MYLK: variants seen among roughly 807,000 people sequenced by gnomAD.
MYLK encodes the protein myosin light chain kinase, smooth muscle.
In MYLK, 106 loss-of-function variants were observed where a neutral mutation model predicts 203.4. That is an observed-to-expected ratio of 0.52 (90% confidence interval 0.45 to 0.61). The LOEUF (loss-of-function observed/expected upper bound fraction) is 0.61. MYLK is among the 20% of genes least tolerant of loss of function. The probability of loss-of-function intolerance (pLI) is 0.00; values close to 1 mark genes in which losing one functional copy is unlikely to be tolerated. For synonymous variants in MYLK, 867 were observed against 959.5 expected, an observed-to-expected ratio of 0.90 and a Z score of 1.78; for missense variants, 2,072 against 2,442.3, an observed-to-expected ratio of 0.85 and a Z score of 3.20.
At position 123,756,911 on chromosome 3, in the gene MYLK, C is replaced by A. The variant is rs867266631; in HGVS notation, c.166-4373G>T. 3.3e-5 allele frequency among the ~76,000 whole-genome samples: 5 copies of A among 152,264 alleles called. No homozygotes were observed. In the Middle Eastern group the frequency reaches 0.01, roughly 311 times the overall value. On this transcript the variant is annotated intron_variant, in intron 4 of 33. Coordinates refer to ENST00000360304, the MANE Select transcript of MYLK (RefSeq NM_053025.4). ...AAAAATAAAGATATAGTCACCATAACCCCTATAATAATTTTAAATAGTAAA... is the reference window on the plus strand; with the variant it reads ...AAAAATAAAGATATAGTCACCATAAACCCTATAATAATTTTAAATAGTAAA...
At chr3:123,771,622 T>A (rs961093524) in intron 4 of MYLK, among the ~76,000 whole-genome samples, 2 of 152,254 alleles carry the variant, frequency 1.3e-5, no homozygotes, top group African/African-American at 4.8e-5. Flanking sequence ...TTAAAGGCTA[T>A]GCATATACAG....
intron 3 of MYLK, among the ~76,000 whole-genome samples, chr3:123,795,723 C>A (rs2064961608): frequency 6.6e-6 from 1 of 152,202 alleles, no homozygotes; most frequent in African/African-American, 2.4e-5. Flanking sequence ...TCATTTCTTA[C>A]CACAAAATCC....
chr3:123,767,022 A>T (rs2063726711), intron 4 of MYLK, among the ~76,000 whole-genome samples: 1 of 152,224 alleles, frequency 6.6e-6, no homozygotes, highest in African/African-American at 2.4e-5. Flanking sequence ...TGCCACTGAA[A>T]TCTCTTTTCT....
chr3:123,677,908 TATATATATATACACAC>T (rs1189897795), intron 20 of MYLK, among the ~76,000 whole-genome samples: 5 of 97,364 alleles, frequency 5.1e-5, no homozygotes, highest in African/African-American at 2.1e-4. Flanking sequence ...TATATATATA[TATATATATATACACAC>T]ACACACACAC....
intron 32 of MYLK, 132 bp downstream of exon 32, chr3:123,620,075 A>G: frequency 1.2e-6 from 1 of 827,464 alleles, no homozygotes; most frequent in Non-Finnish European, 2.0e-6. Flanking sequence ...ACCCAAAATT[A>G]CTTCTGAATT....
chr3:123,623,727 C>G (rs2057994864), intron 31 of MYLK: 2 of 152,208 alleles, frequency 1.3e-5, no homozygotes, highest in African/African-American at 4.8e-5. Flanking sequence ...AGAGGGAACC[C>G]TCATATTCCA....
intron 3 of MYLK, among the ~76,000 whole-genome samples, chr3:123,804,274 C>T (rs1430737815): frequency 1.3e-5 from 2 of 152,094 alleles, no homozygotes; most frequent in African/African-American, 2.4e-5. Flanking sequence ...AGGGAGAGGG[C>T]TAGCAAGTGG....
chr3:123,858,167 G>A (rs1418703589), intron 2 of MYLK, among the ~76,000 whole-genome samples: 1 of 152,180 alleles, frequency 6.6e-6, no homozygotes, highest in Non-Finnish European at 1.5e-5. Context: ...TTGCAATAGT[G>A]CCCAGATCCT....
intron 1 of MYLK, among the ~76,000 whole-genome samples, chr3:123,882,796 C>G (rs1034739671): frequency 6.6e-6 from 1 of 152,214 alleles, no homozygotes; most frequent in Admixed American, 6.5e-5. Context: ...TAACCTCACT[C>G]TGGGCAGGAA....
intron 6 of MYLK, among the ~76,000 whole-genome samples, chr3:123,739,463 TG>T (rs1224267630): frequency 2.0e-5 from 3 of 152,132 alleles, no homozygotes; most frequent in Non-Finnish European, 4.4e-5. Context: ...GAAGGCCCAG[TG>T]GGGGCTCAAG....
chr3:123,640,143 G>T lies in MYLK; in HGVS notation c.4837+144C>A. 1.3e-6 allele frequency: 1 copy of T among 752,720 alleles called. No individual in the cohort carries two copies. Among genetic ancestry groups the T allele is most frequent in the Admixed American group, 2.0e-5 (1 of 49,182 alleles). 46.6% of individuals were successfully genotyped at this position (752,720 alleles called of 1,614,324 possible). ...AGGCTTACTGTCACGTCTAGTATGT[G>T]GTAGGGGCAGGATTCAAACCTGGGA... On this transcript the variant is annotated intron_variant, in intron 28 of 33. Transcript: ENST00000360304. This position sits in a 1 kb window ranked among gnomAD's most constrained non-coding sequence, Gnocchi z 4.3.
At chr3:123,712,009 C>T (rs1406779700) in intron 13 of MYLK, among the ~76,000 whole-genome samples, 2 of 152,212 alleles carry the variant, frequency 1.3e-5, no homozygotes, top group Non-Finnish European at 1.5e-5. Context: ...GTCCAGGAGG[C>T]TGGAGGAAAA....
chr3:123,724,336 G>A (rs1218757482), intron 12 of MYLK, among the ~76,000 whole-genome samples: 2 of 152,024 alleles, frequency 1.3e-5, no homozygotes, highest in East Asian at 3.9e-4. Flanking sequence ...TAAAGAGGCT[G>A]TATGGCCTGA....
rs778981889 is a variant in MYLK at position 123,647,329 on chromosome 3, T to C, written c.4514A>G (p.Asn1505Ser). Residue 1505 changes from asparagine to serine, a missense_variant, in exon 27 of 34, where the codon AAT (asparagine) becomes AGT (serine). Asn to Ser is a conservative substitution (Grantham distance 46). Around this residue, in one of 3 missense-constraint regions of MYLK, gnomAD observed 524 missense variants for 782.4 expected, o/e 0.67. Transcript: ENST00000360304. Reference sequence around the variant, plus strand: ...CATGATGCTAATCTCCTGCCGGATATTCTCTTTCTCTTTTGCTGAATATGC... The same window carrying C: ...CATGATGCTAATCTCCTGCCGGATACTCTCTTTCTCTTTTGCTGAATATGC... ...FKAYSAKEKENIRQEISIMNC... is the reference protein window; with the variant it reads ...FKAYSAKEKESIRQEISIMNC... 5.0e-6 allele frequency: 8 copies of C among 1,614,254 alleles called. No homozygotes were observed. In the Admixed American group the frequency reaches 8.3e-5, roughly 17 times the overall value.
At chr3:123,637,939 C>T in intron 29 of MYLK, 132 bp downstream of exon 29, 5 of 1,389,616 alleles carry the variant, frequency 3.6e-6, no homozygotes, top group Non-Finnish European at 5.0e-6. Flanking sequence ...GCCTGCCACC[C>T]TCCTGACTCT....
At chr3:123,680,302 G>A (rs1478058191) in intron 20 of MYLK, among the ~76,000 whole-genome samples, 1 of 152,154 alleles carries the variant, frequency 6.6e-6, no homozygotes, top group Non-Finnish European at 1.5e-5. Flanking sequence ...TGGGTGTGCT[G>A]GAGCTGAGGG....
chr3:123,706,361 T>A (rs1165664557), intron 16 of MYLK, among the ~76,000 whole-genome samples: 3 of 152,180 alleles, frequency 2.0e-5, no homozygotes, highest in Non-Finnish European at 2.9e-5. Context: ...AGCCTTGGCA[T>A]TTAGCTCTAG....
chr3:123,696,324 T>C (rs975419250), intron 18 of MYLK, among the ~76,000 whole-genome samples: 6 of 152,056 alleles, frequency 3.9e-5, no homozygotes, highest in Non-Finnish European at 8.8e-5. Context: ...CAGGAAGGCA[T>C]CCTGGAGGAA....
intron 18 of MYLK, 138 bp from the exon 19 acceptor site, chr3:123,692,989 C>T (rs1055256881): frequency 1.3e-6 from 1 of 748,638 alleles, no homozygotes; most frequent in African/African-American, 1.7e-5. Flanking sequence ...GAACCAATCC[C>T]CCACTCCTCA....
Sources: allele counts gnomAD v4.1 joint callset (sites outside exome capture counted in the v4.1 genomes callset), GRCh38; gene constraint gnomAD v4.1.1; regional missense constraint gnomAD v4.1.1; non-coding constraint Gnocchi (gnomAD v3.1); transcripts MANE v1.5; gene names NCBI Gene and HGNC (gene_info 2026-07-23, HGNC 2026-07-21).